PTDSS2: variants seen among roughly 807,000 people sequenced by gnomAD.
The protein encoded by PTDSS2 is PSS-2.
A neutral mutation model predicts 64.7 loss-of-function variants in PTDSS2; 41 were observed. The observed-to-expected ratio is 0.63, with a 90% CI of 0.49 to 0.82. The LOEUF (loss-of-function observed/expected upper bound fraction) is 0.82. Ranked by LOEUF, PTDSS2 falls within the 40% of genes least tolerant of loss-of-function variation. The pLI, the probability that PTDSS2 is intolerant of heterozygous loss-of-function variation, is 0.00. For synonymous variants in PTDSS2, 297 were observed against 277.8 expected (o/e 1.07, Z -0.69); for missense variants, 485 against 650.0 (o/e 0.75, Z 2.76).
In PTDSS2 at chr11:479,324, C is replaced by A. The variant is rs569092008; in HGVS notation, c.435+172C>A. On this transcript the variant is annotated intron_variant, in intron 4 of 11. Transcript: ENST00000308020. The surrounding 1 kb of genome is among the most constrained non-coding windows in gnomAD (Gnocchi z 4.2). The stretch of plus-strand genomic sequence containing the variant: ...GGGTCTCCAGGAGCATCTGTGCGGC[C>A]CTTGAGTGATGGGGGGCAGCAAAGC... 5 of 675,424 alleles carry A rather than the reference C, an allele frequency of 7.4e-6. No individual in the cohort carries two copies. The East Asian group carries it at 1.3e-4, about 17-fold the overall frequency. 41.8% of individuals were successfully genotyped at this position (675,424 alleles called of 1,614,324 possible).
rs1244532076 is a variant in PTDSS2, at chr11:487,290, C to T, written c.571-130C>T. 4 of 1,020,198 alleles carry T rather than the reference C, an allele frequency of 3.9e-6. No individual in the cohort carries two copies. The African/African-American group carries it at 6.3e-5, about 16-fold the overall frequency. The allele number at this position is 1,020,198 out of a possible 1,614,324, so 63.2% of individuals were successfully genotyped here. On this transcript the variant is annotated intron_variant, in intron 5 of 11. Coordinates refer to ENST00000308020, the MANE Select transcript of PTDSS2 (RefSeq NM_030783.3). ...TGGACGTGGTCTCCACAGGCCACGG[C>T]AGCACCTGTGAGTCCCTGGCCTTCT...
intron 1 of PTDSS2, among the ~76,000 whole-genome samples, chr11:452,902 T>G (rs1260935378): frequency 6.6e-6 from 1 of 152,116 alleles, no homozygotes. Flanking sequence ...TTTTTATTTA[T>G]TTATTTATTT....
At position 460,100 on chromosome 11, in the gene PTDSS2, C is replaced by A; in HGVS notation, c.183-87C>A. ...AGTGGAGTTTAAGCCCTCTCCTTGA[C>A]GTAGAGAGGATTTGGGGCCTGTTAC... On this transcript the variant is annotated intron_variant, in intron 1 of 11. Transcript: ENST00000308020. This position sits in a 1 kb window ranked among gnomAD's most constrained non-coding sequence, Gnocchi z 5.8. The A allele has an allele frequency of 2.9e-6, 3 of 1,026,906 alleles. No homozygotes were observed. Among genetic ancestry groups the A allele is most frequent in the South Asian group, 1.4e-5 (1 of 73,674 alleles). The allele number at this position is 1,026,906 out of a possible 1,614,324, so 63.6% of individuals were successfully genotyped here.
intron 1 of PTDSS2, among the ~76,000 whole-genome samples, chr11:458,502 G>A (rs1846707293): frequency 6.8e-6 from 1 of 146,836 alleles, no homozygotes; most frequent in Non-Finnish European, 1.5e-5. Context: ...ACCGCGCCTG[G>A]CCTGATTTTT....
At chr11:474,680 G>A (rs774215779) in intron 3 of PTDSS2, among the ~76,000 whole-genome samples, 5 of 152,248 alleles carry the variant, frequency 3.3e-5, no homozygotes, top group Non-Finnish European at 5.9e-5. Context: ...CTTCTGTAGG[G>A]TCGGTTGTTT....
chr11:486,268 T>G (rs528246896), intron 4 of PTDSS2, among the ~76,000 whole-genome samples: 31 of 151,208 alleles, frequency 2.1e-4, no homozygotes, highest in African/African-American at 7.5e-4. Flanking sequence ...CCTGTGAGGG[T>G]GTTGGCCTGA....
chr11:463,269 C>A (rs1288388642), intron 2 of PTDSS2: 4 of 151,912 alleles, frequency 2.6e-5, no homozygotes, highest in African/African-American at 9.7e-5. Context: ...GCTCTGTACC[C>A]CAGGCTGGAG....
At chr11:469,498 GGA>G (rs1318153014) in intron 2 of PTDSS2, among the ~76,000 whole-genome samples, 1 of 150,818 alleles carries the variant, frequency 6.6e-6, no homozygotes, top group East Asian at 1.9e-4. Context: ...GAGGAGGAGG[GGA>G]GTCTCTGGGT....
chr11:468,593 A>G (rs920774661), intron 2 of PTDSS2, among the ~76,000 whole-genome samples: 15 of 152,260 alleles, frequency 9.9e-5, no homozygotes, highest in African/African-American at 3.6e-4. Flanking sequence ...AGCAGTGTCT[A>G]TAAGGCCAGA....
intron 1 of PTDSS2, 69 bp downstream of exon 1, chr11:450,706 T>A: frequency 8.3e-7 from 1 of 1,202,052 alleles, no homozygotes; most frequent in Non-Finnish European, 1.1e-6. Flanking sequence ...ACCGCTGGCC[T>A]GGGGGTCCCC....
chr11:471,098 T>A (rs1170495915), intron 2 of PTDSS2, among the ~76,000 whole-genome samples: 1 of 61,792 alleles, frequency 1.6e-5, no homozygotes, highest in African/African-American at 7.5e-5. Context: ...TAAGTAATTC[T>A]TTTTTTTTTT....
chr11:469,123 G>A (rs1219980182), intron 2 of PTDSS2, among the ~76,000 whole-genome samples: 2 of 110,008 alleles, frequency 1.8e-5, no homozygotes, highest in Admixed American at 8.6e-5. Context: ...CTGGGTAATC[G>A]GAAGGAGGAG....
At chr11:464,130 GCAC>G (rs1160086084) in intron 2 of PTDSS2, among the ~76,000 whole-genome samples, 8 of 151,818 alleles carry the variant, frequency 5.3e-5, no homozygotes, top group African/African-American at 1.9e-4. Flanking sequence ...CTATAGCCGT[GCAC>G]CGCCACGCCC....
chr11:450,784 C>T, intron 1 of PTDSS2, 147 bp downstream of exon 1: 1 of 718,030 alleles, frequency 1.4e-6, no homozygotes, highest in Non-Finnish European at 1.9e-6. Context: ...GGCAGCACCG[C>T]CCCCCGGGTC....
chr11:489,305 C>T (rs1359215698), intron 8 of PTDSS2, 95 bp from the exon 9 acceptor site: 5 of 1,032,602 alleles, frequency 4.8e-6, no homozygotes, highest in East Asian at 5.1e-5. Flanking sequence ...TGGCACAGGG[C>T]GGGGCCGGGT....
rs902809868 is a variant in PTDSS2, at chr11:470,659, G to A, written c.285-3236G>A. ...GGCTGGAGTGTAGTGGCGTGATCTC[G>A]GCTCACTGCAACCTCCGCCTCTCGG... On this transcript the variant is annotated intron_variant, in intron 2 of 11. Coordinates refer to ENST00000308020, the MANE Select transcript of PTDSS2 (RefSeq NM_030783.3). This position sits in a 1 kb window ranked among gnomAD's most constrained non-coding sequence, Gnocchi z 5.3. 3.3e-5 allele frequency among the ~76,000 whole-genome samples: 5 copies of A among 151,266 alleles called. No homozygotes were observed. Among genetic ancestry groups the A allele is most frequent in the East Asian group, 1.9e-4 (1 of 5,136 alleles).
intron 2 of PTDSS2, chr11:463,857 T>A (rs933355323): frequency 6.6e-6 from 1 of 152,208 alleles, no homozygotes; most frequent in African/African-American, 2.4e-5. Context: ...GCCTTATTTT[T>A]AAAAATTAAT....
intron 2 of PTDSS2, among the ~76,000 whole-genome samples, chr11:465,843 G>A (rs1056008568): frequency 6.6e-5 from 10 of 151,698 alleles, no homozygotes; most frequent in Admixed American, 1.3e-4. Flanking sequence ...TCAGGAGACC[G>A]AGGCGAGAGG....
intron 6 of PTDSS2, 48 bp downstream of exon 6, chr11:487,518 G>A (rs1037936284): frequency 1.9e-6 from 3 of 1,563,412 alleles, no homozygotes; most frequent in South Asian, 1.1e-5. Flanking sequence ...TCTGAGGCCT[G>A]CCGTGGGCTC....
Sources: allele counts gnomAD v4.1 joint callset (sites outside exome capture counted in the v4.1 genomes callset), GRCh38; gene constraint gnomAD v4.1.1; non-coding constraint Gnocchi (gnomAD v3.1); transcripts MANE v1.5; gene names NCBI Gene and HGNC (gene_info 2026-07-23, HGNC 2026-07-21).